The following PLPPR5 variants were observed in gnomAD, a reference collection of about 807,000 sequenced individuals.
PLPPR5 encodes phospholipid phosphatase related 5, also known as phospholipid phosphatase-related protein type 5.
PLPPR5 carries 16 observed loss-of-function variants against 33.9 expected under a neutral mutation model. The ratio of observed to expected loss-of-function variants is 0.47; its 90% CI spans 0.32 to 0.72. The LOEUF (loss-of-function observed/expected upper bound fraction) is 0.72. PLPPR5 is among the 30% of genes least tolerant of loss of function. The pLI, the probability that PLPPR5 is intolerant of heterozygous loss-of-function variation, is 0.03. For synonymous variants in PLPPR5, 163 were observed against 150.3 expected, an observed-to-expected ratio of 1.08 and a Z score of -0.62; for missense variants, 301 against 406.7, an observed-to-expected ratio of 0.74 and a Z score of 2.23.
Position 98,953,311 on chromosome 1 carries a change from G to A in PLPPR5, c.380C>T (p.Thr127Ile), listed in dbSNP as rs762283171. The A allele has an allele frequency of 1.0e-5, 16 of 1,607,274 alleles. No homozygotes were observed. The highest frequency in any genetic ancestry group is 2.7e-5 in the African/African-American group (2 of 74,194). The stretch of plus-strand genomic sequence containing the variant: ...GATATCTGTAGCAAACAGTCCAAAT[G>A]TATAAATTCCTGGGGAAGAAAACAA... ...RRTVRFLGIY[T>I]FGLFATDIFV... is the part of the protein sequence containing the mutation. The change falls in exon 3 of 6, where the codon ACA (threonine) becomes ATA (isoleucine). Residue 127 changes from threonine to isoleucine, a missense_variant. Physicochemically the swap from Thr to Ile is moderately conservative, Grantham distance 89. Transcript: ENST00000263177.
At position 99,004,417 on chromosome 1, in the gene PLPPR5, G is replaced by T. The variant is rs547682104; in HGVS notation, c.237+18C>A. ...AGATCAGGGACTCGGCGACGAGGGC[G>T]AGCGCCCCCGGGCTTACCACGAGCA... On this transcript the variant is annotated intron_variant, in intron 1 of 5. Coordinates refer to ENST00000263177, the MANE Select transcript of PLPPR5 (RefSeq NM_001037317.2). 1 of 1,574,046 alleles carries T rather than the reference G, an allele frequency of 6.4e-7. No homozygotes were observed. The highest frequency in any genetic ancestry group is 1.4e-5 in the African/African-American group (1 of 73,972).
At chr1:98,916,004 C>A (rs1295697031) in intron 4 of PLPPR5, among the ~76,000 whole-genome samples, 1 of 152,158 alleles carries the variant, frequency 6.6e-6, no homozygotes, top group Non-Finnish European at 1.5e-5. Context: ...CAGCTATAAC[C>A]TAACATTCAT....
Position 99,001,671 on chromosome 1 carries a change from G to GATAGATAGATAGAT in PLPPR5, c.237+2763_237+2764insATCTATCTATCTAT, listed in dbSNP as rs1247519605. 9.8e-5 allele frequency among the ~76,000 whole-genome samples: 10 copies of GATAGATAGATAGAT among 102,192 alleles called. No individual in the cohort carries two copies. The East Asian group carries it at 2.2e-3, about 23-fold the overall frequency. 67.0% of individuals were successfully genotyped at this position (102,192 alleles called of 152,430 possible). A position where few individuals can be genotyped will look rare whatever the true frequency, so the allele number is the denominator to read the frequency against. On this transcript the variant is annotated intron_variant, in intron 1 of 5. Transcript: ENST00000263177. Reference sequence around the variant, plus strand: ...ACTAGAAATGAGTTTGAAAGTTAAAGATATATATATATATATATATATATA... The same window carrying GATAGATAGATAGAT: ...ACTAGAAATGAGTTTGAAAGTTAAAGATAGATAGATAGATATATATATATATATATATATATATA...
At position 98,921,889 on chromosome 1, in the gene PLPPR5, A is replaced by C. The variant is rs779813488; in HGVS notation, c.791T>G (p.Val264Gly). The change falls in exon 4 of 6, where the codon GTA becomes GGA. Residue 264 changes from valine (V) to glycine (G), a missense_variant. Physicochemically the swap from Val to Gly is moderately radical, Grantham distance 109. Coordinates refer to ENST00000263177, the MANE Select transcript of PLPPR5 (RefSeq NM_001037317.2). ...AGFLVGISIA[V>G]FLVVCVVNNF... The stretch of plus-strand genomic sequence containing the variant: ...AAATAAATTTGTACTTACCAGAAAT[A>C]CTGCTATAGATATTCCAACCAGAAA... 6.2e-7 allele frequency: 1 copy of C among 1,603,090 alleles called. No individual in the cohort carries two copies. Among genetic ancestry groups the C allele is most frequent in the South Asian group, 1.1e-5 (1 of 89,242 alleles).
At chr1:98,893,919 A>G (rs1648375851) in intron 5 of PLPPR5, among the ~76,000 whole-genome samples, 1 of 152,028 alleles carries the variant, frequency 6.6e-6, no homozygotes, top group African/African-American at 2.4e-5. Context: ...GGATTTTTAT[A>G]ACAAATGATA....
At chr1:98,922,472 A>G (rs953603040) in intron 3 of PLPPR5, among the ~76,000 whole-genome samples, 10 of 152,126 alleles carry the variant, frequency 6.6e-5, no homozygotes, top group Non-Finnish European at 1.0e-4. Context: ...TAATGTTTCC[A>G]TTTGTGTATG....
intron 1 of PLPPR5, among the ~76,000 whole-genome samples, chr1:98,994,490 C>T (rs192106259): frequency 6.6e-6 from 1 of 152,178 alleles, no homozygotes; most frequent in East Asian, 1.9e-4. Flanking sequence ...TATTAAGTTA[C>T]CCATTAGCTA....
chr1:98,999,081 T>TC (rs34871981), intron 1 of PLPPR5, among the ~76,000 whole-genome samples: 2 of 152,196 alleles, frequency 1.3e-5, no homozygotes, highest in Non-Finnish European at 1.5e-5. Context: ...CTATTCAGAC[T>TC]CCCAATTTGT....
intron 1 of PLPPR5, among the ~76,000 whole-genome samples, chr1:98,980,010 C>T (rs903466093): frequency 3.3e-5 from 5 of 151,954 alleles, no homozygotes; most frequent in African/African-American, 1.2e-4. Context: ...ATCCAAGAAG[C>T]CATCTTTATC....
At chr1:98,967,605 CTTAA>C (rs139158380) in intron 1 of PLPPR5, among the ~76,000 whole-genome samples, 14,639 of 151,902 alleles carry the variant, frequency 0.096, 790 homozygotes, top group Non-Finnish European at 0.12. Context: ...GCTGAATGAT[CTTAA>C]TTAATTAATT....
chr1:98,940,211 G>A (rs1475844625), intron 3 of PLPPR5, among the ~76,000 whole-genome samples: 1 of 151,852 alleles, frequency 6.6e-6, no homozygotes, highest in Admixed American at 6.6e-5. Context: ...TCCAAGATGA[G>A]GGTGCTGGCA....
intron 1 of PLPPR5, among the ~76,000 whole-genome samples, chr1:98,968,341 T>C (rs919127874): frequency 8.5e-4 from 129 of 152,192 alleles, no homozygotes; most frequent in African/African-American, 2.8e-3. Flanking sequence ...AAAAAATTAG[T>C]ATGTGGGTTA....
chr1:99,004,603 C>G lies in PLPPR5; in HGVS notation c.69G>C (p.Thr23=). 6.2e-7 allele frequency: 1 copy of G among 1,613,080 alleles called. No individual in the cohort carries two copies. ...ACTCGAAGTAGTACGCCAGCATCAC[C>G]GTCCCTGCCATGATCACCATCTGGA... The part of the protein sequence containing the change: ...LYFQMVIMAG[T]VMLAYYFEYT... Residue 23 remains threonine (T), a synonymous_variant, in exon 1 of 6, where the codon ACG becomes ACC. Coordinates refer to ENST00000263177, the MANE Select transcript of PLPPR5 (RefSeq NM_001037317.2).
chr1:98,915,834 A>G (rs1463553427), intron 4 of PLPPR5, among the ~76,000 whole-genome samples: 2 of 152,226 alleles, frequency 1.3e-5, no homozygotes, highest in Non-Finnish European at 2.9e-5. Context: ...CTTCTAATGC[A>G]GGTGAATCAT....
At position 98,912,235 on chromosome 1, in the gene PLPPR5, C is replaced by T. The variant is rs151291640; in HGVS notation, c.933+2551G>A. The stretch of plus-strand genomic sequence containing the variant: ...CAATGATCTGGACTTTTGCAAATTT[C>T]TTAACCATTTGGAAGTTCAGTTTTC... On this transcript the variant is annotated intron_variant, in intron 5 of 5. Transcript: ENST00000263177. Among the ~76,000 whole-genome samples, 765 of 152,240 alleles carry T rather than the reference C, an allele frequency of 5.0e-3. 8 individuals are homozygous for T. The highest frequency in any genetic ancestry group is 0.016 in the African/African-American group (680 of 41,548).
At chr1:98,942,782 T>C (rs1650423275) in intron 3 of PLPPR5, among the ~76,000 whole-genome samples, 1 of 152,196 alleles carries the variant, frequency 6.6e-6, no homozygotes, top group African/African-American at 2.4e-5. Flanking sequence ...GCCCACCAGA[T>C]GATATTAGCC....
intron 3 of PLPPR5, among the ~76,000 whole-genome samples, chr1:98,951,196 T>C (rs532229423): frequency 6.6e-6 from 1 of 152,334 alleles, no homozygotes; most frequent in South Asian, 2.1e-4. Context: ...CTTTGTGACT[T>C]CTGATTCACT....
At chr1:98,947,848 G>A (rs1379430463) in intron 3 of PLPPR5, among the ~76,000 whole-genome samples, 1 of 152,190 alleles carries the variant, frequency 6.6e-6, no homozygotes, top group Non-Finnish European at 1.5e-5. Context: ...CAGTATGAGT[G>A]CATGCTCAGT....
At chr1:98,931,592 TGGAGTAGTCTTC>T (rs1649968025) in intron 3 of PLPPR5, among the ~76,000 whole-genome samples, 1 of 152,058 alleles carries the variant, frequency 6.6e-6, no homozygotes, top group Non-Finnish European at 1.5e-5. Context: ...AAGGCGGGGC[TGGAGTAGTCTTC>T]AAGCAGAGGT....
Sources: allele counts gnomAD v4.1 joint callset (sites outside exome capture counted in the v4.1 genomes callset), GRCh38; gene constraint gnomAD v4.1.1; transcripts MANE v1.5; gene names NCBI Gene and HGNC (gene_info 2026-07-23, HGNC 2026-07-21).